Variants in PDE6A observed in about 807,000 individuals in gnomAD.
The protein encoded by PDE6A is rod cGMP-specific 3',5'-cyclic phosphodiesterase subunit alpha.
A neutral mutation model predicts 106.3 loss-of-function variants in PDE6A; 84 were observed. The ratio of observed to expected loss-of-function variants is 0.79; its 90% CI spans 0.66 to 0.95. The LOEUF is 0.95. PDE6A is among the 40% of genes least tolerant of loss of function. The pLI, the probability that PDE6A is intolerant of heterozygous loss-of-function variation, is 0.00. For missense variants in PDE6A, 1,052 were observed against 1,084.9 expected, an observed-to-expected ratio of 0.97 and a Z score of 0.43; for synonymous variants, 394 against 386.6, an observed-to-expected ratio of 1.02 and a Z score of -0.23.
rs563764701 is a variant in PDE6A, at chr5:149,876,341, T to C, written c.2135+7088A>G. On this transcript the variant is annotated intron_variant, in intron 17 of 21. Transcript: ENST00000255266. ...GGATTCAGCACCTATTTTTTGCCCA[T>C]TTTTCCTCTTTTTTTTTTTTTTTTT... Among the ~76,000 whole-genome samples, 4 of 149,900 alleles carry C rather than the reference T, an allele frequency of 2.7e-5. No homozygotes were observed. In the East Asian group the frequency reaches 7.8e-4, roughly 29 times the overall value.
intron 4 of PDE6A, among the ~76,000 whole-genome samples, chr5:149,924,463 ATT>A (rs1753818278): frequency 6.7e-6 from 1 of 150,210 alleles, no homozygotes; most frequent in African/African-American, 2.4e-5. Context: ...ATATATATAT[ATT>A]TAGTTATAAG....
chr5:149,937,375 T>C (rs1205468896), intron 1 of PDE6A, among the ~76,000 whole-genome samples: 2 of 152,286 alleles, frequency 1.3e-5, no homozygotes, highest in Middle Eastern at 6.8e-3. Context: ...TTCATTTTTA[T>C]GTATTCACTT....
chr5:149,919,417 A>G (rs1345546766), intron 5 of PDE6A, among the ~76,000 whole-genome samples: 3 of 152,158 alleles, frequency 2.0e-5, no homozygotes, highest in African/African-American at 7.2e-5. Context: ...CTGAGGCAGG[A>G]GAATTGCTTG....
intron 12 of PDE6A, among the ~76,000 whole-genome samples, chr5:149,896,052 C>T (rs1055333161): frequency 6.6e-6 from 1 of 152,206 alleles, no homozygotes; most frequent in Non-Finnish European, 1.5e-5. Flanking sequence ...CCCACATTTT[C>T]TGCCCTCATT....
intron 6 of PDE6A, 126 bp from the exon 7 acceptor site, chr5:149,907,504 C>A (rs1277308766): frequency 4.2e-6 from 3 of 722,474 alleles, no homozygotes; most frequent in Non-Finnish European, 7.5e-6. Context: ...ATTCACTACA[C>A]CTGACCAAAC....
intron 17 of PDE6A, among the ~76,000 whole-genome samples, chr5:149,882,051 A>AAAAT (rs150887967): frequency 0.095 from 13,708 of 144,240 alleles, 1,503 homozygotes; most frequent in African/African-American, 0.26. Flanking sequence ...CCCTGTCTCA[A>AAAAT]AAATAAATAA....
rs767206584 is a variant in PDE6A at position 149,895,188 on chromosome 5, G to A, written c.1723C>T (p.Leu575=). 26 of 1,610,944 alleles carry A rather than the reference G, an allele frequency of 1.6e-5. No individual in the cohort carries two copies. The Admixed American group carries it at 4.2e-4, about 26-fold the overall frequency. The change falls in exon 13 of 22, where the codon CTG becomes TTG. Residue 575 remains leucine, a synonymous_variant. Transcript: ENST00000255266. ...CCCCACCGGCCCCGCCATACCACCA[G>A]CAGGGAGAACATGGTCTGCCCCACG... ...FNVGQTMFSL[L]VTGKLKRYFT...
chr5:149,934,696 A>G lies in PDE6A; in HGVS notation c.497T>C (p.Val166Ala), dbSNP rs199887926. The G allele has an allele frequency of 3.4e-4, 544 of 1,613,902 alleles. 1 individual carries two copies. The highest frequency in any genetic ancestry group is 4.4e-4 in the Non-Finnish European group (518 of 1,180,040). ...GGTCTTGTACTCTGTGAGGATGTCC[A>G]CAAAGTCACAGAAATGCTCATCCTA... ...TEEDEHFCDFVDILTEYKTKN... is the reference protein window; with the variant it reads ...TEEDEHFCDFADILTEYKTKN... The change falls in exon 2 of 22, where the codon GTG becomes GCG. Residue 166 changes from valine to alanine, a missense_variant. By Grantham distance (64) the Val-to-Ala change is moderately conservative. Coordinates refer to ENST00000255266, the MANE Select transcript of PDE6A (RefSeq NM_000440.3).
chr5:149,884,528 G>A lies in PDE6A; in HGVS notation c.1978C>T (p.His660Tyr), dbSNP rs1445758846. ...GCAATGATTGCAATGTCCATCATGTGGATGGCATGCTCATGCTGTCGACGA... is the reference window on the plus strand; with the variant it reads ...GCAATGATTGCAATGTCCATCATGTAGATGGCATGCTCATGCTGTCGACGA... ...LNRRQHEHAI[H>Y]MMDIAIIATD... is the part of the protein sequence containing the mutation. The change falls in exon 16 of 22, where the codon CAC becomes TAC. Residue 660 changes from histidine to tyrosine, a missense_variant. Coordinates refer to ENST00000255266, the MANE Select transcript of PDE6A (RefSeq NM_000440.3). 1.2e-6 allele frequency: 2 copies of A among 1,613,800 alleles called. No individual in the cohort carries two copies. Among genetic ancestry groups the A allele is most frequent in the East Asian group, 4.5e-5 (2 of 44,886 alleles).
chr5:149,903,279 GTATATTA>G (rs1178641121), intron 8 of PDE6A, among the ~76,000 whole-genome samples: 1 of 149,474 alleles, frequency 6.7e-6, no homozygotes, highest in African/African-American at 2.4e-5. Flanking sequence ...TGGAGCTTTT[GTATATTA>G]TATATTGTAT....
intron 21 of PDE6A, among the ~76,000 whole-genome samples, chr5:149,862,650 C>A (rs567957730): frequency 2.8e-4 from 42 of 152,304 alleles, no homozygotes; most frequent in African/African-American, 9.1e-4. Context: ...CCCAGCTACT[C>A]AGGAAGCTGA....
At chr5:149,940,942 T>G (rs1259352920) in intron 1 of PDE6A, among the ~76,000 whole-genome samples, 1 of 152,184 alleles carries the variant, frequency 6.6e-6, no homozygotes, top group African/African-American at 2.4e-5. Context: ...ATTTTTAACC[T>G]TAAGATGCTT....
At chr5:149,931,729 C>G (rs902193870) in intron 3 of PDE6A, among the ~76,000 whole-genome samples, 1 of 152,164 alleles carries the variant, frequency 6.6e-6, no homozygotes, top group African/African-American at 2.4e-5. Context: ...AGACATTTTT[C>G]TAAATCAATT....
At chr5:149,932,200 T>G (rs1754053925) in intron 3 of PDE6A, 3 of 1,281,658 alleles carry the variant, frequency 2.3e-6, no homozygotes, top group Non-Finnish European at 1.1e-6. Flanking sequence ...CCTTCAATTG[T>G]TGTATCTGTA....
In PDE6A at chr5:149,899,491, T is replaced by C; in HGVS notation, c.1147A>G (p.Lys383Glu). Residue 383 changes from lysine (K) to glutamate (E), a missense_variant, in exon 9 of 22, where the codon AAA (lysine) becomes GAA (glutamate). Physicochemically the swap from Lys to Glu is moderately conservative, Grantham distance 56. Transcript: ENST00000255266. ...ACAATCGGCATTGAAAGCACATTTT[T>C]AATCATCCATCCAGACTCATCCAGA... ...EPLDESGWMI[K>E]NVLSMPIVNK... 2 of 1,614,212 alleles carry C rather than the reference T, an allele frequency of 1.2e-6. No homozygotes were observed. Among genetic ancestry groups the C allele is most frequent in the South Asian group, 2.2e-5 (2 of 91,084 alleles).
At position 149,944,308 on chromosome 5, in the gene PDE6A, CTCG is replaced by C. The variant is rs758028794; in HGVS notation, c.363_365del (p.Glu122del). 23 of 1,614,094 alleles carry C rather than the reference CTCG, an allele frequency of 1.4e-5. No individual in the cohort carries two copies. The South Asian group carries it at 2.5e-4, about 18-fold the overall frequency. The stretch of plus-strand genomic sequence containing the variant: ...CTTGGTCGGGCATCACCAGGCAGTC[CTCG>C]AGGACAGCATCCTTGTGGACATTGA... On this transcript the variant is annotated inframe_deletion, in exon 1 of 22. Coordinates refer to ENST00000255266, the MANE Select transcript of PDE6A (RefSeq NM_000440.3).
intron 13 of PDE6A, among the ~76,000 whole-genome samples, chr5:149,894,936 T>C (rs1752678327): frequency 6.6e-6 from 1 of 152,182 alleles, no homozygotes; most frequent in African/African-American, 2.4e-5. Context: ...TTTATACTTG[T>C]GACATGGTTA....
At chr5:149,911,242 C>T (rs1399797521) in intron 6 of PDE6A, among the ~76,000 whole-genome samples, 10 of 152,112 alleles carry the variant, frequency 6.6e-5, no homozygotes, top group Admixed American at 6.6e-4. Flanking sequence ...TACACACACA[C>T]AAAGGTAGCC....
chr5:149,921,475 C>A (rs1301590807), intron 5 of PDE6A, among the ~76,000 whole-genome samples, 160 bp downstream of exon 5: 1 of 151,732 alleles, frequency 6.6e-6, no homozygotes, highest in Admixed American at 6.6e-5. Flanking sequence ...ACTTTTAGCA[C>A]CTGTCTGCTA....
Sources: gnomAD v4.1 joint callset for allele counts (sites outside exome capture counted in the v4.1 genomes callset) on GRCh38, gnomAD v4.1.1 for gene constraint, MANE v1.5 for transcripts, NCBI Gene and HGNC (gene_info 2026-07-23, HGNC 2026-07-21) for gene names.